ZNF804B: variants seen among roughly 807,000 people sequenced by gnomAD.
ZNF804B encodes zinc finger 804B.
A neutral mutation model predicts 101.4 loss-of-function variants in ZNF804B; 80 were observed. The ratio of observed to expected loss-of-function variants is 0.79; its 90% CI spans 0.66 to 0.95. The LOEUF (loss-of-function observed/expected upper bound fraction) is 0.95. Among genes scored for constraint, ZNF804B ranks in the 40% least tolerant of loss-of-function variants. The pLI is 0.00. For synonymous variants in ZNF804B, 622 were observed against 558.8 expected (o/e 1.11, Z -1.59); for missense variants, 1,673 against 1,561.9 (o/e 1.07, Z -1.20).
intron 1 of ZNF804B, among the ~76,000 whole-genome samples, chr7:88,899,913 A>T (rs1207429600): frequency 2.0e-5 from 3 of 152,170 alleles, no homozygotes; most frequent in Non-Finnish European, 4.4e-5. Flanking sequence ...GATAATTAAC[A>T]TATGGATTTC....
chr7:89,085,769 CT>C (rs1789790005), intron 1 of ZNF804B, among the ~76,000 whole-genome samples: 1 of 151,912 alleles, frequency 6.6e-6, no homozygotes, highest in Non-Finnish European at 1.5e-5. Context: ...TTACTTGTCA[CT>C]TTTAATTCTT....
Position 89,220,033 on chromosome 7 carries a change from G to GTGTATACATATATATGCA in ZNF804B, c.249+1738_249+1739insTGTATACATATATATGCA, listed in dbSNP as rs1788969877. ...TATATGTGTGTATACATATATATACGCACATATATGTGCATATATACATAT... is the reference window on the plus strand; with the variant it reads ...TATATGTGTGTATACATATATATACGTGTATACATATATATGCACACATATATGTGCATATATACATAT... On this transcript the variant is annotated intron_variant, in intron 2 of 3. Transcript: ENST00000333190. Among the ~76,000 whole-genome samples the GTGTATACATATATATGCA allele has an allele frequency of 9.9e-5, 6 of 60,838 alleles. 1 individual carries two copies. Among genetic ancestry groups the GTGTATACATATATATGCA allele is most frequent in the Non-Finnish European group, 1.0e-4 (3 of 29,984 alleles). 39.9% of individuals were successfully genotyped at this position (60,838 alleles called of 152,430 possible).
chr7:89,331,446 A>G (rs927432891), intron 3 of ZNF804B, among the ~76,000 whole-genome samples: 2 of 151,764 alleles, frequency 1.3e-5, no homozygotes, highest in African/African-American at 4.8e-5. Context: ...TGAACATCAA[A>G]AATTTACTCA....
At chr7:88,983,044 A>G (rs1013858747) in intron 1 of ZNF804B, among the ~76,000 whole-genome samples, 1 of 152,072 alleles carries the variant, frequency 6.6e-6, no homozygotes, top group Non-Finnish European at 1.5e-5. Context: ...TCCTCCTTAT[A>G]AAATTCTCTC....
At chr7:88,856,803 G>A (rs1482641510) in intron 1 of ZNF804B, among the ~76,000 whole-genome samples, 7 of 152,148 alleles carry the variant, frequency 4.6e-5, no homozygotes, top group Non-Finnish European at 8.8e-5. Flanking sequence ...TTTATTGAGA[G>A]TTTTTAGTAT....
rs140564268 is a variant in ZNF804B, at chr7:89,075,896, A to G, written c.109-142259A>G. 1.7e-3 allele frequency among the ~76,000 whole-genome samples: 265 copies of G among 152,296 alleles called. 3 individuals are homozygous for G. The highest frequency in any genetic ancestry group is 6.1e-3 in the African/African-American group (255 of 41,568). On this transcript the variant is annotated intron_variant, in intron 1 of 3. Transcript: ENST00000333190. ...CCTGATGTCAAAGGAGATCATTTTG[A>G]AGCTTTAAGATTTGATTGCCCTGCT...
intron 1 of ZNF804B, among the ~76,000 whole-genome samples, chr7:89,193,551 T>G (rs374127283): frequency 6.7e-5 from 10 of 149,590 alleles, no homozygotes; most frequent in East Asian, 2.0e-4. Context: ...CTATGAGTGA[T>G]AACATGTTGT....
chr7:89,288,536 C>T (rs1790240395), intron 2 of ZNF804B, among the ~76,000 whole-genome samples: 1 of 152,022 alleles, frequency 6.6e-6, no homozygotes, highest in Non-Finnish European at 1.5e-5. Flanking sequence ...ATGCAATAAT[C>T]AACAATAAAG....
chr7:88,980,112 A>G (rs961671325), intron 1 of ZNF804B, among the ~76,000 whole-genome samples: 2 of 151,806 alleles, frequency 1.3e-5, no homozygotes, highest in Non-Finnish European at 2.9e-5. Flanking sequence ...CATGTGCACA[A>G]TGTGCAGGTT....
intron 1 of ZNF804B, among the ~76,000 whole-genome samples, chr7:88,856,195 G>T (rs1426878748): frequency 6.6e-6 from 1 of 152,094 alleles, no homozygotes; most frequent in East Asian, 1.9e-4. Flanking sequence ...ATTACCTTGG[G>T]CAGCATGGCC....
intron 1 of ZNF804B, among the ~76,000 whole-genome samples, chr7:88,877,058 T>TGAAAAAAAAAATA (rs1791963923): frequency 4.5e-5 from 3 of 66,208 alleles, no homozygotes; most frequent in African/African-American, 9.1e-5. Context: ...TATTTTTTTT[T>TGAAAAAAAAAATA]TTTTTTTTTT....
chr7:88,809,758 A>T (rs767870218), intron 1 of ZNF804B, among the ~76,000 whole-genome samples: 4 of 152,160 alleles, frequency 2.6e-5, no homozygotes, highest in Non-Finnish European at 5.9e-5. Context: ...ATGTGAGGAG[A>T]TAGAAGTCAA....
chr7:89,070,192 A>G (rs774561331), intron 1 of ZNF804B, among the ~76,000 whole-genome samples: 2 of 152,244 alleles, frequency 1.3e-5, no homozygotes, highest in African/African-American at 4.8e-5. Context: ...TTGCAGGAGT[A>G]GATGGCAGAT....
At chr7:88,880,789 T>C (rs1169076532) in intron 1 of ZNF804B, among the ~76,000 whole-genome samples, 1 of 152,136 alleles carries the variant, frequency 6.6e-6, no homozygotes, top group Non-Finnish European at 1.5e-5. Context: ...CTTTCCATTT[T>C]CAATATGGTG....
At chr7:88,878,235 A>T (rs10245401) in intron 1 of ZNF804B, among the ~76,000 whole-genome samples, 66,761 of 151,804 alleles carry the variant, frequency 0.44, 16,035 homozygotes, top group African/African-American at 0.63. Flanking sequence ...AGGGTTTTGG[A>T]TCCTCCTGTC....
chr7:89,169,000 T>A (rs1791186206), intron 1 of ZNF804B, among the ~76,000 whole-genome samples: 1 of 152,090 alleles, frequency 6.6e-6, no homozygotes, highest in Admixed American at 6.6e-5. Context: ...TATAGCTCTA[T>A]TAGAAGCCAT....
chr7:89,276,431 C>G (rs1343047303), intron 2 of ZNF804B, among the ~76,000 whole-genome samples: 2 of 151,740 alleles, frequency 1.3e-5, no homozygotes, highest in Non-Finnish European at 2.9e-5. Context: ...TAAAAAGTCT[C>G]AGAGACTATA....
At position 89,334,219 on chromosome 7, in the gene ZNF804B, T is replaced by C. The variant is rs1791035335; in HGVS notation, c.1237T>C (p.Ser413Pro). The C allele has an allele frequency of 6.2e-7, 1 of 1,613,340 alleles. No homozygotes were observed. The highest frequency in any genetic ancestry group is 8.5e-7 in the Non-Finnish European group (1 of 1,179,764). The change falls in exon 4 of 4, where the codon TCT (serine) becomes CCT (proline). Residue 413 changes from serine (S) to proline (P), a missense_variant. Coordinates refer to ENST00000333190, the MANE Select transcript of ZNF804B (RefSeq NM_181646.5). ...TTCCAGAATAGAGAACAGAGAAAAA[T>C]CTTTAGATAAAACAGAAAGAGTTAG... is the stretch of plus-strand genomic sequence containing the variant. ...PNSRIENREK[S>P]LDKTERVSKN...
intron 1 of ZNF804B, among the ~76,000 whole-genome samples, chr7:88,937,957 G>A (rs1252043587): frequency 6.6e-6 from 1 of 152,106 alleles, no homozygotes; most frequent in African/African-American, 2.4e-5. Context: ...ACCGTGGGCT[G>A]TGACAGCCCT....
Sources: allele counts gnomAD v4.1 joint callset (sites outside exome capture counted in the v4.1 genomes callset), GRCh38; gene constraint gnomAD v4.1.1; transcripts MANE v1.5; gene names NCBI Gene and HGNC (gene_info 2026-07-23, HGNC 2026-07-21).